Variants in GARNL3 observed in about 807,000 individuals in gnomAD.
GARNL3 encodes the protein GTPase activating Rap/RanGAP domain like 3, also known as GTPase-activating Rap/Ran-GAP domain-like protein 3.
A neutral mutation model predicts 125.0 loss-of-function variants in GARNL3; 63 were observed. That is an observed-to-expected ratio of 0.50 (90% CI 0.41 to 0.62). The LOEUF is 0.62. GARNL3 is among the 20% of genes least tolerant of loss of function. GARNL3 has a pLI of 0.00. For synonymous variants in GARNL3, 439 were observed against 457.5 expected, an observed-to-expected ratio of 0.96 and a Z score of 0.52; for missense variants, 994 against 1,244.0, an observed-to-expected ratio of 0.80 and a Z score of 3.02.
chr9:127,304,523 C>T (rs2064891915), intron 2 of GARNL3, among the ~76,000 whole-genome samples: 2 of 118,158 alleles, frequency 1.7e-5, no homozygotes, highest in South Asian at 2.7e-4. Flanking sequence ...GTCATAGTGG[C>T]TTTATTCTTT....
intron 22 of GARNL3, among the ~76,000 whole-genome samples, chr9:127,371,014 T>C (rs1471595851): frequency 6.6e-6 from 1 of 152,182 alleles, no homozygotes; most frequent in African/African-American, 2.4e-5. Flanking sequence ...TCCTCACATG[T>C]GCTCCTCCTC....
rs1302132388 is a variant in GARNL3, at chr9:127,339,660, A to G, written c.1044A>G (p.Ser348=). Residue 348 remains serine, a synonymous_variant, in exon 13 of 28, where the codon TCA becomes TCG. Coordinates refer to ENST00000373387, the MANE Select transcript of GARNL3 (RefSeq NM_032293.5). ...QNDNYRLKIF[S]EESVPLFGPP... ...CTCTACTTAGGCTGAAAATATTTTC[A>G]GAAGAGAGCGTACCACTCTTTGGCC... 6.2e-7 allele frequency: 1 copy of G among 1,612,320 alleles called. No homozygotes were observed. The highest frequency in any genetic ancestry group is 1.1e-5 in the South Asian group (1 of 91,066).
At chr9:127,341,776 G>A (rs952448831) in intron 13 of GARNL3, among the ~76,000 whole-genome samples, 22 of 152,186 alleles carry the variant, frequency 1.4e-4, no homozygotes, top group Non-Finnish European at 2.2e-4. Context: ...GAGGTGAAAT[G>A]AAACGAAGGG....
intron 22 of GARNL3, among the ~76,000 whole-genome samples, chr9:127,380,198 A>ATGTGTGTGTGTG (rs1458335111): frequency 5.8e-5 from 4 of 69,234 alleles, no homozygotes; most frequent in African/African-American, 1.8e-4. Context: ...GTCTCAAAAA[A>ATGTGTGTGTGTG]TATGTGTGTG....
chr9:127,306,732 A>AG (rs1219577549), intron 2 of GARNL3, among the ~76,000 whole-genome samples: 1 of 151,788 alleles, frequency 6.6e-6, no homozygotes, highest in Non-Finnish European at 1.5e-5. Flanking sequence ...GTCTCAAAAA[A>AG]AAAAAAAAAG....
At chr9:127,349,446 A>G (rs1564166572) in intron 17 of GARNL3, among the ~76,000 whole-genome samples, 2 of 152,238 alleles carry the variant, frequency 1.3e-5, no homozygotes, top group Middle Eastern at 3.2e-3. Flanking sequence ...TTCAAAAAGT[A>G]CTGATGTCCA....
chr9:127,338,815 T>C (rs1370893881), intron 12 of GARNL3, among the ~76,000 whole-genome samples: 2 of 152,150 alleles, frequency 1.3e-5, no homozygotes, highest in African/African-American at 2.4e-5. Context: ...TCAAAGCACA[T>C]TGACTAAGCT....
upstream of GARNL3, among the ~76,000 whole-genome samples, chr9:127,262,194 C>G (rs934748518): frequency 6.6e-6 from 1 of 152,202 alleles, no homozygotes. Flanking sequence ...TGTATTAGTT[C>G]AGGTAAAACA....
chr9:127,247,585 AT>A (rs1488025583), intron 2 of GARNL3, among the ~76,000 whole-genome samples: 1 of 152,184 alleles, frequency 6.6e-6, no homozygotes, highest in African/African-American at 2.4e-5. Flanking sequence ...TTAAACAAAT[AT>A]TAGGCAATTT....
chr9:127,368,717 T>C (rs1401387612), intron 22 of GARNL3, among the ~76,000 whole-genome samples: 2 of 151,086 alleles, frequency 1.3e-5, no homozygotes, highest in Non-Finnish European at 3.0e-5. Flanking sequence ...GGCAGATCAT[T>C]TGAGGTCAGG....
At chr9:127,386,233 A>G (rs1224821465) in intron 24 of GARNL3, among the ~76,000 whole-genome samples, 1 of 152,224 alleles carries the variant, frequency 6.6e-6, no homozygotes, top group Non-Finnish European at 1.5e-5. Context: ...GTAATCTGCT[A>G]TAAAACTATT....
intron 25 of GARNL3, 58 bp from the exon 26 acceptor site, chr9:127,388,846 T>C: frequency 9.7e-7 from 1 of 1,026,496 alleles, no homozygotes; most frequent in Non-Finnish European, 1.6e-6. Context: ...ATTACTCTCT[T>C]GTAAATAATG....
rs1413376381 is a variant in GARNL3, at chr9:127,388,916, C to A, written c.2540C>A (p.Ser847Ter). 5.6e-6 allele frequency: 9 copies of A among 1,601,458 alleles called. No individual in the cohort carries two copies. The highest frequency in any genetic ancestry group is 4.5e-5 in the East Asian group (2 of 44,848). ...PSSLGEGEIQ[S>*]KNLYKIPLRN... ...AATCACATTTCAGGTGAAATTCAAT[C>A]AAAAAATCTGTACAAGATTCCACTT... is the stretch of plus-strand genomic sequence containing the variant. The change falls in exon 26 of 28, where the codon TCA becomes TAA. Residue 847 changes from serine to a stop codon, truncating the protein, a stop_gained. Transcript: ENST00000373387. LOFTEE classifies it high-confidence loss of function.
chr9:127,283,945 T>A (rs1361901243), intron 1 of GARNL3, among the ~76,000 whole-genome samples: 1 of 152,244 alleles, frequency 6.6e-6, no homozygotes, highest in Non-Finnish European at 1.5e-5. Context: ...TTTCTTAGCA[T>A]TAGTGATGTT....
At chr9:127,279,259 T>G (rs903781865) in intron 1 of GARNL3, among the ~76,000 whole-genome samples, 1 of 152,152 alleles carries the variant, frequency 6.6e-6, no homozygotes, top group African/African-American at 2.4e-5. Context: ...CTTTGTATTT[T>G]CATTAATTTT....
intron 2 of GARNL3, among the ~76,000 whole-genome samples, chr9:127,301,291 C>T (rs1338309618): frequency 6.6e-6 from 1 of 152,190 alleles, no homozygotes; most frequent in African/African-American, 2.4e-5. Flanking sequence ...CAGGCTCATC[C>T]CCTTTCTTGC....
At chr9:127,332,212 C>A in intron 7 of GARNL3, 62 bp from the exon 8 acceptor site, 1 of 1,292,020 alleles carries the variant, frequency 7.7e-7, no homozygotes, top group Non-Finnish European at 1.1e-6. Context: ...AACAGCCCAT[C>A]TCAAAACTAT....
In GARNL3 at chr9:127,360,996, G is replaced by A. The variant is rs199717331; in HGVS notation, c.2094+3619G>A. ...TTCCCAAAACCAAGTGCTCCTCTAGGGGGAACTGCAGGCATAGCCATGGGA... is the reference window on the plus strand; with the variant it reads ...TTCCCAAAACCAAGTGCTCCTCTAGAGGGAACTGCAGGCATAGCCATGGGA... On this transcript the variant is annotated intron_variant, in intron 21 of 27. Coordinates refer to ENST00000373387, the MANE Select transcript of GARNL3 (RefSeq NM_032293.5). Among the ~76,000 whole-genome samples, 7 of 152,188 alleles carry A rather than the reference G, an allele frequency of 4.6e-5. No individual in the cohort carries two copies. In the East Asian group the frequency reaches 1.3e-3, roughly 29 times the overall value.
intron 1 of GARNL3, among the ~76,000 whole-genome samples, chr9:127,235,658 T>TA (rs1039730316): frequency 2.0e-5 from 3 of 150,888 alleles, no homozygotes; most frequent in Admixed American, 6.6e-5. Flanking sequence ...TTTGTTTTTT[T>TA]AAAAAAACAA....
Sources: gnomAD v4.1 joint callset for allele counts (sites outside exome capture counted in the v4.1 genomes callset) on GRCh38, gnomAD v4.1.1 for gene constraint, MANE v1.5 for transcripts, NCBI Gene and HGNC (gene_info 2026-07-23, HGNC 2026-07-21) for gene names.